Variants in ZHX3 observed in about 807,000 individuals in gnomAD.
ZHX3 encodes zinc fingers and homeoboxes 3.
A neutral mutation model predicts 64.5 loss-of-function variants in ZHX3; 20 were observed. That is an observed-to-expected ratio of 0.31 (90% CI 0.22 to 0.45). The LOEUF (loss-of-function observed/expected upper bound fraction) is 0.45, where lower values mean the gene tolerates loss of function less well. Ranked by LOEUF, ZHX3 falls within the 20% of genes least tolerant of loss-of-function variation. The probability of loss-of-function intolerance (pLI) is 1.00; values close to 1 mark genes in which losing one functional copy is unlikely to be tolerated. For missense variants in ZHX3, 1,041 were observed against 1,195.8 expected (o/e 0.87, Z 1.91); for synonymous variants, 423 against 461.6 (o/e 0.92, Z 1.07).
rs201454849 is a variant in ZHX3, at chr20:41,204,170, G to T, written c.747C>A (p.Asn249Lys). ...VSQASASSAK[N>K]PHAANGPLIG... ...TCAGGGGCCCGTTGGCGGCATGGGGGTTTTTTGCAGAGCTGGCAGATGCCT... is the reference window on the plus strand; with the variant it reads ...TCAGGGGCCCGTTGGCGGCATGGGGTTTTTTTGCAGAGCTGGCAGATGCCT... The change falls in exon 3 of 4, where the codon AAC (asparagine) becomes AAA (lysine). Residue 249 changes from asparagine (N) to lysine (K), a missense_variant. Coordinates refer to ENST00000683867, the MANE Select transcript of ZHX3 (RefSeq NM_001384317.1). The surrounding 1 kb of genome is among the most constrained non-coding windows in gnomAD (Gnocchi z 6.6). 4.5e-5 allele frequency: 73 copies of T among 1,609,006 alleles called. 1 individual carries two copies. The highest frequency in any genetic ancestry group is 2.0e-4 in the Admixed American group (12 of 59,582).
intron 2 of ZHX3, among the ~76,000 whole-genome samples, chr20:41,227,792 G>A (rs1299404467): frequency 2.0e-5 from 3 of 152,066 alleles, no homozygotes; most frequent in African/African-American, 7.2e-5. Flanking sequence ...CTGGTTATTT[G>A]TTATTGGTTG....
chr20:41,230,302 C>T (rs552329525), intron 2 of ZHX3, among the ~76,000 whole-genome samples: 8 of 152,146 alleles, frequency 5.3e-5, no homozygotes, highest in African/African-American at 4.8e-5. Context: ...CTGGAGCCAC[C>T]GGGCAGTGTG....
chr20:41,312,693 T>C (rs980797493), intron 1 of ZHX3, among the ~76,000 whole-genome samples: 2 of 152,146 alleles, frequency 1.3e-5, no homozygotes, highest in Admixed American at 6.5e-5. Flanking sequence ...GATCTTTCTA[T>C]GAGACAAGTG....
Position 41,279,415 on chromosome 20 carries a change from A to AT in ZHX3, c.-244-10333dup, listed in dbSNP as rs748774011. ...AACAGTATCTTACAACTTTAAATGCATTTTTTTTTTAACTAACAGAATGAA... is the reference window on the plus strand; with the variant it reads ...AACAGTATCTTACAACTTTAAATGCATTTTTTTTTTTAACTAACAGAATGAA... On this transcript the variant is annotated intron_variant, in intron 1 of 3. Coordinates refer to ENST00000683867, the MANE Select transcript of ZHX3 (RefSeq NM_001384317.1). Among the ~76,000 whole-genome samples, 593 of 149,592 alleles carry AT rather than the reference A, an allele frequency of 4.0e-3. 1 individual carries two copies. Among genetic ancestry groups the AT allele is most frequent in the South Asian group, 0.013 (64 of 4,756 alleles).
chr20:41,234,524 G>A (rs779210048), intron 2 of ZHX3, among the ~76,000 whole-genome samples: 1 of 152,106 alleles, frequency 6.6e-6, no homozygotes, highest in Non-Finnish European at 1.5e-5. Flanking sequence ...AGATATTCCT[G>A]TCCTCAAGTT....
At chr20:41,192,124 G>A (rs1333691060) in intron 3 of ZHX3, among the ~76,000 whole-genome samples, 1 of 152,200 alleles carries the variant, frequency 6.6e-6, no homozygotes, top group African/African-American at 2.4e-5. Context: ...ATGTGCTTGT[G>A]TTGGCAGTGG....
intron 2 of ZHX3, among the ~76,000 whole-genome samples, chr20:41,244,933 G>C (rs1466947996): frequency 6.6e-6 from 1 of 152,114 alleles, no homozygotes; most frequent in African/African-American, 2.4e-5. Flanking sequence ...CTTACTTCAG[G>C]GAGGGAGGAA....
At chr20:41,281,464 C>G (rs1018389) in intron 1 of ZHX3, among the ~76,000 whole-genome samples, 87,572 of 152,056 alleles carry the variant, frequency 0.58, 26,478 homozygotes, top group East Asian at 0.82. Flanking sequence ...CGATAAAATA[C>G]ACATTAGGTG....
At chr20:41,303,513 C>T (rs974606205) in intron 1 of ZHX3, among the ~76,000 whole-genome samples, 6 of 152,244 alleles carry the variant, frequency 3.9e-5, no homozygotes, top group African/African-American at 1.4e-4. Context: ...GATACCAATG[C>T]TCCACTTTAC....
intron 3 of ZHX3, among the ~76,000 whole-genome samples, chr20:41,199,281 G>T (rs1394426845): frequency 6.6e-6 from 1 of 152,086 alleles, no homozygotes; most frequent in Non-Finnish European, 1.5e-5. Context: ...AATGGACCAT[G>T]GTTTTCTATT....
intron 2 of ZHX3, among the ~76,000 whole-genome samples, chr20:41,243,071 G>A (rs981969871): frequency 6.6e-6 from 1 of 152,124 alleles, no homozygotes; most frequent in East Asian, 1.9e-4. Context: ...CCCAGGTCGG[G>A]GCAGACCTCC....
At chr20:41,313,932 G>A (rs1600683923) in intron 1 of ZHX3, among the ~76,000 whole-genome samples, 2 of 150,260 alleles carry the variant, frequency 1.3e-5, no homozygotes, top group East Asian at 1.9e-4. Flanking sequence ...TTTCATTTAG[G>A]ATTCCCCCCT....
At chr20:41,308,512 A>G (rs1201201336) in intron 1 of ZHX3, among the ~76,000 whole-genome samples, 1 of 152,238 alleles carries the variant, frequency 6.6e-6, no homozygotes, top group Admixed American at 6.5e-5. Flanking sequence ...AGTGCTGACA[A>G]CATTCTTTTC....
At chr20:41,313,736 T>C (rs2045210912) in intron 1 of ZHX3, among the ~76,000 whole-genome samples, 1 of 151,762 alleles carries the variant, frequency 6.6e-6, no homozygotes, top group African/African-American at 2.4e-5. Flanking sequence ...TAGCTGGAAC[T>C]ACAGGCGCCC....
At chr20:41,289,531 A>C (rs756867409) in intron 1 of ZHX3, among the ~76,000 whole-genome samples, 2 of 152,178 alleles carry the variant, frequency 1.3e-5, no homozygotes, top group Non-Finnish European at 2.9e-5. Context: ...TGTCTCCCTC[A>C]GTACATCTCA....
chr20:41,255,183 G>A lies in ZHX3; in HGVS notation c.-151+13807C>T, dbSNP rs917052495. The stretch of plus-strand genomic sequence containing the variant: ...TATATTTTTTTTGACATGGAGTCTC[G>A]CACTGTCGCCCAGGCTGGAGTGCAG... On this transcript the variant is annotated intron_variant, in intron 2 of 3. Transcript: ENST00000683867. Among the ~76,000 whole-genome samples, 10 of 152,060 alleles carry A rather than the reference G, an allele frequency of 6.6e-5. No homozygotes were observed. The South Asian group carries it at 1.9e-3, about 28-fold the overall frequency.
rs557801243 is a variant in ZHX3 at position 41,185,138 on chromosome 20, C to T, written c.*53G>A. The T allele has an allele frequency of 2.8e-5, 45 of 1,595,240 alleles. No homozygotes were observed. The highest frequency in any genetic ancestry group is 1.7e-4 in the Middle Eastern group (1 of 6,036). On this transcript the variant is annotated 3_prime_UTR_variant, in exon 4 of 4. Coordinates refer to ENST00000683867, the MANE Select transcript of ZHX3 (RefSeq NM_001384317.1). This position sits in a 1 kb window ranked among gnomAD's most constrained non-coding sequence, Gnocchi z 5.0. ...CAGAGAGTCGGGTTTGGCTCTTCCA[C>T]GTGGCAGGCGGTTTCCCAGACTGGC...
intron 2 of ZHX3, among the ~76,000 whole-genome samples, chr20:41,262,724 T>C (rs1274112424): frequency 6.6e-6 from 1 of 152,144 alleles, no homozygotes; most frequent in East Asian, 1.9e-4. Context: ...ACCTCAGTGG[T>C]TGTTAACTAA....
At position 41,303,234 on chromosome 20, in the gene ZHX3, C is replaced by G. The variant is rs957874069; in HGVS notation, c.-245+14275G>C. Among the ~76,000 whole-genome samples, 4 of 152,222 alleles carry G rather than the reference C, an allele frequency of 2.6e-5. No individual in the cohort carries two copies. In the South Asian group the frequency reaches 6.2e-4, roughly 24 times the overall value. ...CAGCATCTTCCCTGCAGCATCTAAT[C>G]TCTCAAAGCCACATTCTAGTGCCAC... On this transcript the variant is annotated intron_variant, in intron 1 of 3. Transcript: ENST00000683867.
Sources: allele counts gnomAD v4.1 joint callset (sites outside exome capture counted in the v4.1 genomes callset), GRCh38; gene constraint gnomAD v4.1.1; non-coding constraint Gnocchi (gnomAD v3.1); transcripts MANE v1.5; gene names NCBI Gene and HGNC (gene_info 2026-07-23, HGNC 2026-07-21).